PRKN: variants seen among roughly 807,000 people sequenced by gnomAD.
PRKN encodes E3 ubiquitin-protein ligase parkin.
Under a neutral mutation model 59.5 loss-of-function variants are expected in PRKN, and 56 were observed. The ratio of observed to expected loss-of-function variants is 0.94; its 90% CI spans 0.76 to 1.18. The LOEUF is 1.18. Among genes scored for constraint, PRKN ranks in the 50% most tolerant of loss-of-function variants. The pLI is 0.00. For synonymous variants in PRKN, 250 were observed against 222.1 expected, an observed-to-expected ratio of 1.13 and a Z score of -1.12; for missense variants, 657 against 596.4, an observed-to-expected ratio of 1.10 and a Z score of -1.06.
Position 161,386,219 on chromosome 6 carries a change from T to C in PRKN, c.1167+575A>G, listed in dbSNP as rs568087437. Among the ~76,000 whole-genome samples the C allele has an allele frequency of 7.2e-5, 11 of 152,330 alleles. No homozygotes were observed. The highest frequency in any genetic ancestry group is 2.6e-4 in the African/African-American group (11 of 41,586). On this transcript the variant is annotated intron_variant, in intron 10 of 11. Coordinates refer to ENST00000366898, the MANE Select transcript of PRKN (RefSeq NM_004562.3). The surrounding 1 kb of genome is among the most constrained non-coding windows in gnomAD (Gnocchi z 4.3). ...TTTTCCCTGAAGGTTTGGTTGATCCTAATTAATAAATAAAATAAAATGCAT... is the reference window on the plus strand; with the variant it reads ...TTTTCCCTGAAGGTTTGGTTGATCCCAATTAATAAATAAAATAAAATGCAT...
intron 2 of PRKN, among the ~76,000 whole-genome samples, chr6:162,381,668 C>G (rs1318237110): frequency 6.6e-6 from 1 of 152,154 alleles, no homozygotes; most frequent in Non-Finnish European, 1.5e-5. Context: ...GTCCCCCCCA[C>G]TATCTCTTTA....
chr6:161,513,149 G>C (rs1377659507), intron 9 of PRKN, among the ~76,000 whole-genome samples: 2 of 152,192 alleles, frequency 1.3e-5, no homozygotes, highest in African/African-American at 2.4e-5. Flanking sequence ...CTGGTTTCTA[G>C]AAATAAAAAT....
At chr6:161,687,050 T>C (rs528104163) in intron 7 of PRKN, among the ~76,000 whole-genome samples, 51 of 152,196 alleles carry the variant, frequency 3.4e-4, no homozygotes, top group African/African-American at 1.0e-3. Context: ...CAAGAAGTCA[T>C]GTTTGGGTAG....
chr6:161,974,132 C>A (rs1361020561), intron 5 of PRKN, among the ~76,000 whole-genome samples: 1 of 152,110 alleles, frequency 6.6e-6, no homozygotes, highest in Non-Finnish European at 1.5e-5. Flanking sequence ...CCGGGCATGA[C>A]GGCACATGAC....
chr6:162,382,297 T>G (rs1028668256), intron 2 of PRKN, among the ~76,000 whole-genome samples: 5 of 152,042 alleles, frequency 3.3e-5, no homozygotes, highest in Non-Finnish European at 7.4e-5. Context: ...TAAATACATT[T>G]CCTGAATAAT....
chr6:162,133,013 T>C (rs1023445830), intron 4 of PRKN, among the ~76,000 whole-genome samples: 9 of 152,102 alleles, frequency 5.9e-5, no homozygotes, highest in African/African-American at 2.2e-4. Context: ...AACATGTGCT[T>C]GGAGAGATGG....
intron 1 of PRKN, among the ~76,000 whole-genome samples, chr6:162,717,308 G>T (rs1024395714): frequency 6.6e-6 from 1 of 152,024 alleles, no homozygotes; most frequent in Non-Finnish European, 1.5e-5. Flanking sequence ...TGGGCACAGT[G>T]GCTCACACCT....
intron 9 of PRKN, among the ~76,000 whole-genome samples, chr6:161,493,951 G>C (rs923427013): frequency 3.9e-5 from 6 of 152,172 alleles, no homozygotes; most frequent in South Asian, 2.1e-4. Context: ...CAAGAGCCGG[G>C]AAGGCAGGGA....
Position 161,560,637 on chromosome 6 carries a change from G to A in PRKN, c.933+8718C>T, listed in dbSNP as rs942844494. ...TGACCTTTTTCTCATCCTTCTATTCGCACGGTCCATCCCCAGGCTCTGTCA... is the reference window on the plus strand; with the variant it reads ...TGACCTTTTTCTCATCCTTCTATTCACACGGTCCATCCCCAGGCTCTGTCA... On this transcript the variant is annotated intron_variant, in intron 8 of 11. Transcript: ENST00000366898. The surrounding 1 kb of genome is among the most constrained non-coding windows in gnomAD (Gnocchi z 4.9). 8.6e-5 allele frequency among the ~76,000 whole-genome samples: 13 copies of A among 151,654 alleles called. No homozygotes were observed. The highest frequency in any genetic ancestry group is 1.8e-4 in the Non-Finnish European group (12 of 67,974).
intron 10 of PRKN, among the ~76,000 whole-genome samples, chr6:161,382,205 A>G (rs1393807535): frequency 6.6e-6 from 1 of 152,056 alleles, no homozygotes; most frequent in Non-Finnish European, 1.5e-5. Flanking sequence ...GAGAAACGAT[A>G]TTTCAAGTGA....
intron 1 of PRKN, among the ~76,000 whole-genome samples, chr6:162,645,980 C>T (rs1456121801): frequency 1.3e-5 from 2 of 150,486 alleles, no homozygotes; most frequent in Admixed American, 6.6e-5. Flanking sequence ...GTTCATGCCA[C>T]TCTCCTGCCT....
chr6:162,427,267 A>T (rs1330920772), intron 2 of PRKN, among the ~76,000 whole-genome samples: 1 of 152,202 alleles, frequency 6.6e-6, no homozygotes, highest in Non-Finnish European at 1.5e-5. Flanking sequence ...ATTATTTAGT[A>T]TCTATTAATA....
rs1382089937 is a variant in PRKN at position 161,902,556 on chromosome 6, A to ATCTTTTTT, written c.734+70745_734+70746insAAAAAAGA. 3.1e-4 allele frequency among the ~76,000 whole-genome samples: 37 copies of ATCTTTTTT among 118,134 alleles called. 5 individuals are homozygous for ATCTTTTTT. Among genetic ancestry groups the ATCTTTTTT allele is most frequent in the African/African-American group, 4.9e-4 (14 of 28,536 alleles). The allele number at this position is 118,134 out of a possible 152,430, so 77.5% of individuals were successfully genotyped here. A position where few individuals can be genotyped will look rare whatever the true frequency, so the allele number is the denominator to read the frequency against. ...TATCTATCTATCTATCTATTTATTT[A>ATCTTTTTT]TTTATTTATTTTTTTTTTTTTGCGA... On this transcript the variant is annotated intron_variant, in intron 6 of 11. Coordinates refer to ENST00000366898, the MANE Select transcript of PRKN (RefSeq NM_004562.3).
At chr6:162,722,039 GCAATCTATACCAC>G (rs914229842) in intron 1 of PRKN, among the ~76,000 whole-genome samples, 2 of 152,148 alleles carry the variant, frequency 1.3e-5, no homozygotes, top group Non-Finnish European at 2.9e-5. Flanking sequence ...TGGTGAAGGT[GCAATCTATACCAC>G]CAATATAAGC....
chr6:162,487,122 T>C (rs1346847116), intron 1 of PRKN, among the ~76,000 whole-genome samples: 1 of 152,050 alleles, frequency 6.6e-6, no homozygotes, highest in Non-Finnish European at 1.5e-5. Flanking sequence ...CATAATCACC[T>C]ACTAAGAAGG....
At chr6:161,775,277 C>T (rs1376856710) in intron 7 of PRKN, among the ~76,000 whole-genome samples, 1 of 151,870 alleles carries the variant, frequency 6.6e-6, no homozygotes, top group Admixed American at 6.6e-5. Flanking sequence ...GGGTCTCACT[C>T]AGTCACTCAG....
At chr6:162,052,304 G>A (rs1777676060) in intron 5 of PRKN, among the ~76,000 whole-genome samples, 2 of 151,808 alleles carry the variant, frequency 1.3e-5, no homozygotes, top group African/African-American at 4.8e-5. Context: ...TCAGGTGTGT[G>A]TGTGCTTGTT....
intron 7 of PRKN, among the ~76,000 whole-genome samples, chr6:161,642,112 G>C (rs1171031191): frequency 1.3e-5 from 2 of 152,128 alleles, no homozygotes. Flanking sequence ...CAAAGGGTCT[G>C]TCTTATTTAA....
intron 7 of PRKN, among the ~76,000 whole-genome samples, chr6:161,729,381 T>G (rs552265795): frequency 3.7e-4 from 55 of 150,296 alleles, no homozygotes; most frequent in Middle Eastern, 6.9e-3. Flanking sequence ...AAAATGACAG[T>G]TTTTTTTTGC....
Sources: allele counts gnomAD v4.1 joint callset (sites outside exome capture counted in the v4.1 genomes callset), GRCh38; gene constraint gnomAD v4.1.1; non-coding constraint Gnocchi (gnomAD v3.1); transcripts MANE v1.5; gene names NCBI Gene and HGNC (gene_info 2026-07-23, HGNC 2026-07-21).